Variants in ZNF721 observed in about 807,000 individuals in gnomAD.
ZNF721 encodes zinc finger protein 721.
Under a neutral mutation model 2.4 loss-of-function variants are expected in ZNF721, and 2 were observed. The ratio of observed to expected loss-of-function variants is 0.82; its 90% CI spans 0.34 to 2.58. The LOEUF (loss-of-function observed/expected upper bound fraction) is 2.58. Ranked by LOEUF, ZNF721 falls within the 30% of genes most tolerant of loss-of-function variation. The probability of loss-of-function intolerance (pLI) is 0.11; values close to 1 mark genes in which losing one functional copy is unlikely to be tolerated. For missense variants in ZNF721, 1,187 were observed against 1,085.5 expected (o/e 1.09, Z -1.31); for synonymous variants, 398 against 381.8 (o/e 1.04, Z -0.50).
chr4:496,374 C>T (rs1444094502), intron 1 of ZNF721, among the ~76,000 whole-genome samples: 2 of 142,878 alleles, frequency 1.4e-5, no homozygotes, highest in Non-Finnish European at 3.2e-5. Flanking sequence ...GGGGTCACCT[C>T]CTTATATGCA....
Position 444,068 on chromosome 4 carries a change from T to C in ZNF721, c.399A>G (p.Gly133=), listed in dbSNP as rs1270451243. 6.2e-7 allele frequency: 1 copy of C among 1,614,088 alleles called. No individual in the cohort carries two copies. The change falls in exon 3 of 3, where the codon GGA becomes GGG. Residue 133 remains glycine, a synonymous_variant. Coordinates refer to ENST00000511833, the MANE Select transcript of ZNF721 (RefSeq NM_133474.4). ...DLTQHKGIHA[G]EKPYTCEERG... The stretch of plus-strand genomic sequence containing the variant: ...GTTCTTCACAAGTGTAGGGTTTCTC[T>C]CCAGCATGAATTCCTTTATGTTGAG...
Position 443,515 on chromosome 4 carries a change from C to A in ZNF721, c.952G>T (p.Ala318Ser), listed in dbSNP as rs781880801. Residue 318 changes from alanine to serine, a missense_variant, in exon 3 of 3, where the codon GCA (alanine) becomes TCA (serine). By Grantham distance (99) the Ala-to-Ser change is moderately conservative. Coordinates refer to ENST00000511833, the MANE Select transcript of ZNF721 (RefSeq NM_133474.4). ...ATTCTCCTATGTACATAAAGGTTTG[C>A]GGACTGTCTAAAGGCTTTGCCACAT... ...EVCGKAFRQS[A>S]NLYVHRRIHT... The A allele has an allele frequency of 1.2e-6, 2 of 1,607,420 alleles. No individual in the cohort carries two copies. The highest frequency in any genetic ancestry group is 1.7e-4 in the Middle Eastern group (1 of 5,990).
rs1025113585 is a variant in ZNF721, at chr4:497,509, G to A, written c.-94+1547C>T. 5.3e-5 allele frequency among the ~76,000 whole-genome samples: 8 copies of A among 152,270 alleles called. No individual in the cohort carries two copies. The East Asian group carries it at 1.2e-3, about 22-fold the overall frequency. ...GGACGCCCATGACACAGCCTCCGGA[G>A]ATCCTGACGACGTGGGTCCAAGGTG... On this transcript the variant is annotated intron_variant, in intron 1 of 2. Transcript: ENST00000511833.
chr4:460,954 A>C (rs566057853), intron 2 of ZNF721, among the ~76,000 whole-genome samples: 7 of 152,368 alleles, frequency 4.6e-5, no homozygotes, highest in African/African-American at 1.4e-4. Flanking sequence ...GGCAGTAATT[A>C]ATAGCCTACC....
chr4:491,526 A>C (rs1005226503), intron 1 of ZNF721, among the ~76,000 whole-genome samples: 1 of 152,246 alleles, frequency 6.6e-6, no homozygotes, highest in African/African-American at 2.4e-5. Flanking sequence ...ACCAAATGTA[A>C]ATGTTTCAAG....
chr4:448,747 T>C (rs1213334014), intron 2 of ZNF721, among the ~76,000 whole-genome samples: 1 of 152,190 alleles, frequency 6.6e-6, no homozygotes, highest in Non-Finnish European at 1.5e-5. Context: ...GCTGAACAGC[T>C]AGATTAATAA....
intron 1 of ZNF721, among the ~76,000 whole-genome samples, chr4:475,389 C>A (rs1715599486): frequency 6.6e-6 from 1 of 151,974 alleles, no homozygotes; most frequent in Non-Finnish European, 1.5e-5. Context: ...TTGCTATGCC[C>A]CTCCTAGATT....
At chr4:493,537 G>C (rs1716076789) in intron 1 of ZNF721, among the ~76,000 whole-genome samples, 1 of 152,102 alleles carries the variant, frequency 6.6e-6, no homozygotes, top group Non-Finnish European at 1.5e-5. Flanking sequence ...AAATTAGTGG[G>C]GCATGGTGGT....
chr4:448,467 T>C, intron 2 of ZNF721, among the ~76,000 whole-genome samples: 1 of 151,596 alleles, frequency 6.6e-6, no homozygotes, highest in African/African-American at 2.4e-5. Context: ...ATTACATACT[T>C]ATAGAAATTA....
chr4:457,897 A>G (rs1553865574), intron 2 of ZNF721, among the ~76,000 whole-genome samples: 1 of 151,984 alleles, frequency 6.6e-6, no homozygotes, highest in African/African-American at 2.4e-5. Flanking sequence ...TCTGTCACCT[A>G]GAGTCTGAAA....
rs535315981 is a variant in ZNF721, at chr4:441,724, G to A, written c.2743C>T (p.His915Tyr). Residue 915 changes from histidine (H) to tyrosine (Y), a missense_variant, in exon 3 of 3, where the codon CAT (histidine) becomes TAT (tyrosine). His to Tyr is a moderately conservative substitution (Grantham distance 83, BLOSUM62 2). Transcript: ENST00000511833. ...ACTTGTATGGTTTTATCTCCAGTAT[G>A]AATTTTCTTATGTGCATAAAGATTT... ...SANLYAHKKIHTGDKTIQV is the reference protein window; with the variant it reads ...SANLYAHKKIYTGDKTIQV The A allele has an allele frequency of 1.2e-6, 2 of 1,611,894 alleles. No individual in the cohort carries two copies. Among genetic ancestry groups the A allele is most frequent in the African/African-American group, 2.7e-5 (2 of 74,966 alleles).
chr4:450,031 C>A (rs1317718268), intron 2 of ZNF721, among the ~76,000 whole-genome samples: 1 of 152,206 alleles, frequency 6.6e-6, no homozygotes, highest in East Asian at 1.9e-4. Flanking sequence ...TATTTTAACA[C>A]TGTTTCTTTG....
At chr4:444,609 A>C (rs1553863963) in intron 2 of ZNF721, among the ~76,000 whole-genome samples, 177 bp from the exon 3 acceptor site, 1 of 152,206 alleles carries the variant, frequency 6.6e-6, no homozygotes, top group African/African-American at 2.4e-5. Context: ...CTTTGTGTGA[A>C]ATCTATAAAT....
rs781804076 is a variant in ZNF721 at position 443,106 on chromosome 4, A to C, written c.1361T>G (p.Phe454Cys). 2.5e-6 allele frequency: 4 copies of C among 1,613,968 alleles called. No individual in the cohort carries two copies. In the South Asian group the frequency reaches 3.3e-5, roughly 13 times the overall value. Residue 454 changes from phenylalanine (F) to cysteine (C), a missense_variant, in exon 3 of 3, where the codon TTT (phenylalanine) becomes TGT (cysteine). Coordinates refer to ENST00000511833, the MANE Select transcript of ZNF721 (RefSeq NM_133474.4). ...PYKCKECGKA[F>C]IHSLHLNKHE... The stretch of plus-strand genomic sequence containing the variant: ...TTTATTCAGGTGCAAGGAATGTATA[A>C]AGGCTTTCCCACATTCTTTACATTT...
chr4:498,215 G>GAAAAAAAAAA (rs797042296), intron 1 of ZNF721, among the ~76,000 whole-genome samples: 325 of 83,880 alleles, frequency 3.9e-3, no homozygotes, highest in African/African-American at 8.2e-3. Context: ...AAAAGAAAAA[G>GAAAAAAAAAA]AAAAAAAAAA....
At chr4:497,123 T>C (rs184112913) in intron 1 of ZNF721, among the ~76,000 whole-genome samples, 1 of 151,880 alleles carries the variant, frequency 6.6e-6, no homozygotes, top group East Asian at 2.0e-4. Context: ...ATCAATTTTC[T>C]TACCTAGTGA....
intron 1 of ZNF721, among the ~76,000 whole-genome samples, chr4:479,596 G>T (rs564275751): frequency 1.8e-4 from 28 of 152,354 alleles, no homozygotes; most frequent in Admixed American, 2.6e-4. Context: ...CAAGGGCCCT[G>T]ATGAGAGGGG....
rs782216868 is a variant in ZNF721 at position 444,055 on chromosome 4, T to A, written c.412A>T (p.Thr138Ser). The A allele has an allele frequency of 1.2e-6, 2 of 1,613,736 alleles. No homozygotes were observed. Among genetic ancestry groups the A allele is most frequent in the African/African-American group, 2.7e-5 (2 of 74,910 alleles). The change falls in exon 3 of 3, where the codon ACT becomes TCT. Residue 138 changes from threonine to serine, a missense_variant. Coordinates refer to ENST00000511833, the MANE Select transcript of ZNF721 (RefSeq NM_133474.4). Reference protein sequence around the residue: ...KGIHAGEKPYTCEERGKDFGW... With the variant: ...KGIHAGEKPYSCEERGKDFGW... Reference sequence around the variant, plus strand: ...AAGTCTTTGCCACGTTCTTCACAAGTGTAGGGTTTCTCTCCAGCATGAATT... The same window carrying A: ...AAGTCTTTGCCACGTTCTTCACAAGAGTAGGGTTTCTCTCCAGCATGAATT...
chr4:471,672 A>C (rs191014144), intron 2 of ZNF721, among the ~76,000 whole-genome samples: 4 of 152,296 alleles, frequency 2.6e-5, no homozygotes, highest in Admixed American at 2.6e-4. Context: ...TTAGCAAAAC[A>C]GTATTCCATT....
Sources: allele counts gnomAD v4.1 joint callset (sites outside exome capture counted in the v4.1 genomes callset), GRCh38; gene constraint gnomAD v4.1.1; transcripts MANE v1.5; gene names NCBI Gene and HGNC (gene_info 2026-07-23, HGNC 2026-07-21).